The following FLOT2 variants were observed in gnomAD, a reference collection of about 807,000 sequenced individuals.
FLOT2 encodes the protein flotillin-2.
FLOT2 carries 35 observed loss-of-function variants against 54.9 expected under a neutral mutation model. That is an observed-to-expected ratio of 0.64 (90% CI 0.49 to 0.84). The LOEUF is 0.84. Ranked by LOEUF, FLOT2 falls within the 40% of genes least tolerant of loss-of-function variation. FLOT2 has a pLI of 0.00. For missense variants in FLOT2, 464 were observed against 572.1 expected, an observed-to-expected ratio of 0.81 and a Z score of 1.93; for synonymous variants, 207 against 228.9, an observed-to-expected ratio of 0.90 and a Z score of 0.86.
chr17:28,881,271 C>A lies in FLOT2; in HGVS notation c.1019G>T (p.Arg340Leu), dbSNP rs763188881. The change falls in exon 9 of 11, where the codon CGG becomes CTG. Residue 340 changes from arginine (R) to leucine (L), a missense_variant. Coordinates refer to ENST00000394908, the MANE Select transcript of FLOT2 (RefSeq NM_004475.3). ...IEAMGKAEAERMKLKAEAYQK... is the reference protein window; with the variant it reads ...IEAMGKAEAELMKLKAEAYQK... ...GTAGGCTTCTGCCTTGAGCTTCATC[C>A]GCTCAGCCTCTGCCTTGCCCATCGC... The A allele has an allele frequency of 1.2e-6, 2 of 1,614,184 alleles. No individual in the cohort carries two copies. The highest frequency in any genetic ancestry group is 1.7e-6 in the Non-Finnish European group (2 of 1,180,036).
At chr17:28,896,586 TCACCCCTCTC>T (rs1331551695) in intron 1 of FLOT2, among the ~76,000 whole-genome samples, 1 of 152,202 alleles carries the variant, frequency 6.6e-6, no homozygotes, top group East Asian at 1.9e-4. Flanking sequence ...AGTGGATTTA[TCACCCCTCTC>T]CAAGGGTTGG....
chr17:28,890,064 A>G (rs1022857570), intron 1 of FLOT2, among the ~76,000 whole-genome samples: 2 of 152,192 alleles, frequency 1.3e-5, no homozygotes, highest in African/African-American at 4.8e-5. Context: ...GAGGGAAGGA[A>G]GAGTCTCCCA....
intron 1 of FLOT2, among the ~76,000 whole-genome samples, chr17:28,896,105 G>A (rs574188630): frequency 2.6e-5 from 4 of 152,300 alleles, no homozygotes; most frequent in African/African-American, 9.6e-5. Context: ...TCAGTTCTCA[G>A]CAAGATCTCC....
chr17:28,880,648 C>T (rs1294959171), intron 10 of FLOT2, 49 bp from the exon 11 acceptor site: 1 of 1,613,650 alleles, frequency 6.2e-7, no homozygotes, highest in Non-Finnish European at 8.5e-7. Context: ...AGCCCAGGAC[C>T]ACTTTGCCTG....
chr17:28,888,350 TAGTA>T (rs2152648681), intron 2 of FLOT2, among the ~76,000 whole-genome samples: 1 of 152,318 alleles, frequency 6.6e-6, no homozygotes, highest in South Asian at 2.1e-4. Context: ...TCACTTCCTC[TAGTA>T]AGTCTTTCCA....
Position 28,897,247 on chromosome 17 carries a change from T to C in FLOT2, c.49+279A>G, listed in dbSNP as rs973977267. On this transcript the variant is annotated intron_variant, in intron 1 of 10. Coordinates refer to ENST00000394908, the MANE Select transcript of FLOT2 (RefSeq NM_004475.3). The surrounding 1 kb of genome is among the most constrained non-coding windows in gnomAD (Gnocchi z 4.4). ...CAGTTCGGGACCCCCAACCTCACAG[T>C]AGAGCGGCGGGGAGGCCCGCCTAGG... is the stretch of plus-strand genomic sequence containing the variant. Among the ~76,000 whole-genome samples, 4 of 151,960 alleles carry C rather than the reference T, an allele frequency of 2.6e-5. No individual in the cohort carries two copies. The highest frequency in any genetic ancestry group is 7.3e-5 in the African/African-American group (3 of 41,374).
chr17:28,882,296 GTCCC>G lies in FLOT2; in HGVS notation c.579+37_579+40del. Reference sequence around the variant, plus strand: ...TGAGTAGAGGTCCTGAGTCATCATGGTCCCATCACCCCTGAGCTTCCCATCCTTG... The same window carrying G: ...TGAGTAGAGGTCCTGAGTCATCATGGATCACCCCTGAGCTTCCCATCCTTG... On this transcript the variant is annotated intron_variant, in intron 6 of 10. Transcript: ENST00000394908. This position sits in a 1 kb window ranked among gnomAD's most constrained non-coding sequence, Gnocchi z 5.6. 4 of 1,613,924 alleles carry G rather than the reference GTCCC, an allele frequency of 2.5e-6. No homozygotes were observed. The highest frequency in any genetic ancestry group is 2.5e-6 in the Non-Finnish European group (3 of 1,179,926).
At chr17:28,887,619 T>C (rs1440705163) in intron 2 of FLOT2, among the ~76,000 whole-genome samples, 1 of 152,194 alleles carries the variant, frequency 6.6e-6, no homozygotes, top group Non-Finnish European at 1.5e-5. Context: ...TGCAGGGGAA[T>C]TGGCCTAGCA....
rs747705083 is a variant in FLOT2, at chr17:28,880,828, A to C, written c.1133T>G (p.Val378Gly). 6.2e-7 allele frequency: 1 copy of C among 1,614,118 alleles called. No individual in the cohort carries two copies. The highest frequency in any genetic ancestry group is 8.5e-7 in the Non-Finnish European group (1 of 1,180,024). The change falls in exon 10 of 11, where the codon GTC (valine) becomes GGC (glycine). Residue 378 changes from valine to glycine, a missense_variant. Physicochemically the swap from Val to Gly is moderately radical, Grantham distance 109 (BLOSUM62 -3). Coordinates refer to ENST00000394908, the MANE Select transcript of FLOT2 (RefSeq NM_004475.3). ...TCCACTGAGGACCACAATCTCATCG[A>C]CCTTGGTAAGTGGGGCAGCGATTTT... ...AAKIAAPLTK[V>G]DEIVVLSGDN...
At position 28,883,040 on chromosome 17, in the gene FLOT2, C is replaced by T. The variant is rs2039482893; in HGVS notation, c.346+68G>A. The T allele has an allele frequency of 2.6e-6, 4 of 1,559,450 alleles. No homozygotes were observed. The highest frequency in any genetic ancestry group is 3.5e-6 in the Non-Finnish European group (4 of 1,135,850). On this transcript the variant is annotated intron_variant, in intron 4 of 10. Coordinates refer to ENST00000394908, the MANE Select transcript of FLOT2 (RefSeq NM_004475.3). The surrounding 1 kb of genome is among the most constrained non-coding windows in gnomAD (Gnocchi z 5.0). ...CCTGTGAAACAGGCCCCCTGCCCAG[C>T]CCTGCACACCTCCCTGCCTTGGCTT...
At chr17:28,894,207 C>T (rs2039702025) in intron 1 of FLOT2, among the ~76,000 whole-genome samples, 1 of 152,216 alleles carries the variant, frequency 6.6e-6, no homozygotes, top group African/African-American at 2.4e-5. Context: ...CATATCCTGG[C>T]TGGGCATGAT....
At chr17:28,890,917 A>G (rs762511575) in intron 1 of FLOT2, among the ~76,000 whole-genome samples, 1 of 146,528 alleles carries the variant, frequency 6.8e-6, no homozygotes, top group African/African-American at 2.5e-5. Flanking sequence ...GCTGGAGTAC[A>G]CTGTACACGA....
intron 2 of FLOT2, chr17:28,886,067 G>GCCCCC: frequency 1.7e-6 from 1 of 579,650 alleles, no homozygotes. Context: ...GCGGGGGGGG[G>GCCCCC]CATGCTGTCA....
chr17:28,879,988 A>G lies in FLOT2; in HGVS notation c.*573T>C. On this transcript the variant is annotated 3_prime_UTR_variant, in exon 11 of 11. Coordinates refer to ENST00000394908, the MANE Select transcript of FLOT2 (RefSeq NM_004475.3). Reference sequence around the variant, plus strand: ...GGGCCTTGGGTGGATGAGGGGAAGGACAGTGTCTCTGGGCCCTGCAGGTCA... The same window carrying G: ...GGGCCTTGGGTGGATGAGGGGAAGGGCAGTGTCTCTGGGCCCTGCAGGTCA... 1 of 988,170 alleles carries G rather than the reference A, an allele frequency of 1.0e-6. No homozygotes were observed. The highest frequency in any genetic ancestry group is 1.2e-6 in the Non-Finnish European group (1 of 831,832). 61.2% of individuals were successfully genotyped at this position (988,170 alleles called of 1,614,324 possible). A position where few individuals can be genotyped will look rare whatever the true frequency, so the allele number is the denominator to read the frequency against.
intron 1 of FLOT2, among the ~76,000 whole-genome samples, chr17:28,895,900 G>A (rs1458985178): frequency 2.0e-5 from 3 of 152,148 alleles, no homozygotes; most frequent in African/African-American, 4.8e-5. Context: ...GATGCCTCTG[G>A]TCTTAGACAC....
rs1224863240 is a variant in FLOT2, at chr17:28,897,100, C to T, written c.49+426G>A. Among the ~76,000 whole-genome samples the T allele has an allele frequency of 6.6e-6, 1 of 152,190 alleles. No individual in the cohort carries two copies. The highest frequency in any genetic ancestry group is 1.5e-5 in the Non-Finnish European group (1 of 68,030). On this transcript the variant is annotated intron_variant, in intron 1 of 10. Coordinates refer to ENST00000394908, the MANE Select transcript of FLOT2 (RefSeq NM_004475.3). The surrounding 1 kb of genome is among the most constrained non-coding windows in gnomAD (Gnocchi z 4.4). ...AACGACCTCTGTTTCAGGGCCCCTC[C>T]CCATACAGGCACCTGCCCTCCAGGG...
At chr17:28,893,497 G>C (rs2039688369) in intron 1 of FLOT2, among the ~76,000 whole-genome samples, 1 of 148,054 alleles carries the variant, frequency 6.8e-6, no homozygotes, top group Non-Finnish European at 1.5e-5. Context: ...CTGCAGCTTT[G>C]AACTCACGGG....
At chr17:28,886,911 C>T (rs544034890) in intron 2 of FLOT2, among the ~76,000 whole-genome samples, 1 of 152,122 alleles carries the variant, frequency 6.6e-6, no homozygotes, top group African/African-American at 2.4e-5. Context: ...TGCCTTCATT[C>T]GAGCCCCTAA....
chr17:28,887,398 A>G (rs2039568504), intron 2 of FLOT2, among the ~76,000 whole-genome samples: 1 of 152,182 alleles, frequency 6.6e-6, no homozygotes, highest in Non-Finnish European at 1.5e-5. Context: ...AGGTGTAAGA[A>G]GGAGAAGGAT....
Sources: gnomAD v4.1 joint callset for allele counts (sites outside exome capture counted in the v4.1 genomes callset) on GRCh38, gnomAD v4.1.1 for gene constraint, Gnocchi (gnomAD v3.1) non-coding constraint, MANE v1.5 for transcripts, NCBI Gene and HGNC (gene_info 2026-07-23, HGNC 2026-07-21) for gene names.